Variants in THSD7A observed in about 807,000 individuals in gnomAD.
The protein encoded by THSD7A is thrombospondin type-1 domain-containing protein 7A.
In THSD7A, 96 loss-of-function variants were observed where a neutral mutation model predicts 231.3. The observed-to-expected ratio is 0.41, with a 90% CI of 0.35 to 0.49. The LOEUF (loss-of-function observed/expected upper bound fraction) is 0.49, where lower values mean the gene tolerates loss of function less well. THSD7A is among the 20% of genes least tolerant of loss of function. THSD7A has a pLI of 0.05. For missense variants in THSD7A, 2,290 were observed against 2,070.2 expected, an observed-to-expected ratio of 1.11 and a Z score of -2.06; for synonymous variants, 940 against 743.3, an observed-to-expected ratio of 1.26 and a Z score of -4.30.
chr7:11,832,015 A>C lies in THSD7A; in HGVS notation c.-69T>G. ...GCAGGGAATTTTTCTCCGCTCTTGG[A>C]ACGTCTTTTCAAAGAGTACAGAAAG... On this transcript the variant is annotated 5_prime_UTR_variant, in exon 1 of 28. Transcript: ENST00000423059. 1 of 1,075,934 alleles carries C rather than the reference A, an allele frequency of 9.3e-7. No homozygotes were observed. The highest frequency in any genetic ancestry group is 1.2e-6 in the Non-Finnish European group (1 of 852,246). 66.6% of individuals were successfully genotyped at this position (1,075,934 alleles called of 1,614,324 possible). A position where few individuals can be genotyped will look rare whatever the true frequency, so the allele number is the denominator to read the frequency against.
intron 1 of THSD7A, among the ~76,000 whole-genome samples, chr7:11,762,989 G>C (rs1045236382): frequency 6.6e-6 from 1 of 152,012 alleles, no homozygotes; most frequent in African/African-American, 2.4e-5. Context: ...AGCCCCAATA[G>C]CCAAACAATC....
At chr7:11,772,207 A>G (rs962075710) in intron 1 of THSD7A, among the ~76,000 whole-genome samples, 2 of 113,324 alleles carry the variant, frequency 1.8e-5, no homozygotes, top group Non-Finnish European at 3.8e-5. Flanking sequence ...AAAAGTTAAA[A>G]CAAAAAAAAA....
intron 6 of THSD7A, among the ~76,000 whole-genome samples, chr7:11,500,569 C>T (rs1055519434): frequency 2.6e-5 from 4 of 151,912 alleles, no homozygotes; most frequent in African/African-American, 9.7e-5. Context: ...CTTCAAGAGG[C>T]CCATTTCAGA....
chr7:11,830,396 T>G (rs1785158953), intron 1 of THSD7A, among the ~76,000 whole-genome samples: 1 of 152,258 alleles, frequency 6.6e-6, no homozygotes, highest in African/African-American at 2.4e-5. Context: ...TGATTAATGT[T>G]TGTCATTATG....
rs1386593316 is a variant in THSD7A at position 11,542,872 on chromosome 7, A to C, written c.1609+90T>G. The C allele has an allele frequency of 5.7e-6, 8 of 1,393,692 alleles. No individual in the cohort carries two copies. The Admixed American group carries it at 7.6e-5, about 13-fold the overall frequency. The allele number at this position is 1,393,692 out of a possible 1,614,324, so 86.3% of individuals were successfully genotyped here. On this transcript the variant is annotated intron_variant, in intron 5 of 27. Coordinates refer to ENST00000423059, the MANE Select transcript of THSD7A (RefSeq NM_015204.3). Reference sequence around the variant, plus strand: ...TTTAGCCATTCTGGAAAATACCACAAACAAGGAACACAGAAGAGCATTTTA... The same window carrying C: ...TTTAGCCATTCTGGAAAATACCACACACAAGGAACACAGAAGAGCATTTTA...
At chr7:11,577,378 G>C (rs1790960002) in intron 4 of THSD7A, among the ~76,000 whole-genome samples, 1 of 152,100 alleles carries the variant, frequency 6.6e-6, no homozygotes, top group African/African-American at 2.4e-5. Context: ...GTGCAGTGGT[G>C]TGATCTTGGC....
chr7:11,595,629 C>G (rs1362615788), intron 2 of THSD7A, among the ~76,000 whole-genome samples: 1 of 152,130 alleles, frequency 6.6e-6, no homozygotes, highest in Non-Finnish European at 1.5e-5. Flanking sequence ...CCTACTCATC[C>G]CAGCTAGGAG....
At chr7:11,491,806 C>A (rs1476863003) in intron 6 of THSD7A, among the ~76,000 whole-genome samples, 1 of 151,120 alleles carries the variant, frequency 6.6e-6, no homozygotes, top group East Asian at 2.0e-4. Flanking sequence ...TCCAGCTTTG[C>A]CCTCCATCAC....
chr7:11,589,475 A>C (rs978125204), intron 4 of THSD7A, among the ~76,000 whole-genome samples: 1 of 152,074 alleles, frequency 6.6e-6, no homozygotes, highest in Non-Finnish European at 1.5e-5. Context: ...AAAGGGCTCT[A>C]TTTCTACTAC....
At chr7:11,820,407 C>T (rs559204801) in intron 1 of THSD7A, 1 of 1,330,004 alleles carries the variant, frequency 7.5e-7, no homozygotes, top group African/African-American at 1.5e-5. Context: ...CCCCACTGAA[C>T]TTGTCATGGG....
chr7:11,533,267 G>A (rs1177594031), intron 6 of THSD7A, among the ~76,000 whole-genome samples: 2 of 152,120 alleles, frequency 1.3e-5, no homozygotes. Flanking sequence ...AAGTTCCTCG[G>A]CTACAAATAT....
chr7:11,527,075 C>T (rs964732241), intron 6 of THSD7A, among the ~76,000 whole-genome samples: 1 of 152,106 alleles, frequency 6.6e-6, no homozygotes, highest in Non-Finnish European at 1.5e-5. Flanking sequence ...CAGAATTTTT[C>T]TCCAGTGTTC....
intron 1 of THSD7A, among the ~76,000 whole-genome samples, chr7:11,823,627 T>C (rs1223847638): frequency 1.3e-5 from 2 of 152,156 alleles, no homozygotes; most frequent in Admixed American, 6.6e-5. Flanking sequence ...ATTGACAATT[T>C]CTTTCATCAG....
chr7:11,434,199 A>G (rs969963754), intron 13 of THSD7A, among the ~76,000 whole-genome samples: 1 of 152,086 alleles, frequency 6.6e-6, no homozygotes, highest in African/African-American at 2.4e-5. Flanking sequence ...GGCTAAATAA[A>G]CTGCTGGCAT....
At chr7:11,384,528 T>C (rs1053121275) in intron 23 of THSD7A, 1 of 151,938 alleles carries the variant, frequency 6.6e-6, no homozygotes. Flanking sequence ...GAAAATATAG[T>C]TTTGTATGTG....
chr7:11,498,717 A>T (rs956999637), intron 6 of THSD7A, among the ~76,000 whole-genome samples: 7 of 152,126 alleles, frequency 4.6e-5, no homozygotes, highest in African/African-American at 1.4e-4. Flanking sequence ...CTTCATGCAG[A>T]TGCCTTTGGG....
chr7:11,395,144 CAAAA>C (rs56112219), intron 23 of THSD7A, among the ~76,000 whole-genome samples: 4 of 124,938 alleles, frequency 3.2e-5, no homozygotes, highest in African/African-American at 8.1e-5. Context: ...AAATGGAAAG[CAAAA>C]AAAAAAAAAG....
At chr7:11,758,923 G>C (rs142471844) in intron 1 of THSD7A, among the ~76,000 whole-genome samples, 2 of 152,154 alleles carry the variant, frequency 1.3e-5, no homozygotes, top group African/African-American at 2.4e-5. Context: ...CATGAAAGCA[G>C]GCAGCAGGCT....
At chr7:11,680,377 TG>T (rs911652656) in intron 1 of THSD7A, among the ~76,000 whole-genome samples, 2 of 152,142 alleles carry the variant, frequency 1.3e-5, no homozygotes, top group African/African-American at 4.8e-5. Context: ...AAAGAGCTTC[TG>T]CACAGAAAAA....
Sources: allele counts gnomAD v4.1 joint callset (sites outside exome capture counted in the v4.1 genomes callset), GRCh38; gene constraint gnomAD v4.1.1; transcripts MANE v1.5; gene names NCBI Gene and HGNC (gene_info 2026-07-23, HGNC 2026-07-21).